The following MPG variants were observed in gnomAD, a reference collection of about 807,000 sequenced individuals.
The protein encoded by MPG is DNA-3-methyladenine glycosylase.
In MPG, 33 loss-of-function variants were observed where a neutral mutation model predicts 31.7. The observed-to-expected ratio is 1.04, with a 90% CI of 0.79 to 1.39. MPG has a LOEUF of 1.39. Ranked by LOEUF, MPG falls within the 40% of genes most tolerant of loss-of-function variation. MPG has a pLI of 0.00. For missense variants in MPG, 455 were observed against 415.5 expected, an observed-to-expected ratio of 1.10 and a Z score of -0.83; for synonymous variants, 202 against 169.2, an observed-to-expected ratio of 1.19 and a Z score of -1.51.
rs1898142634 is a variant in MPG at position 78,235 on chromosome 16, G to T, written c.-75G>T. 1 of 1,331,992 alleles carries T rather than the reference G, an allele frequency of 7.5e-7. No homozygotes were observed. The highest frequency in any genetic ancestry group is 9.7e-7 in the Non-Finnish European group (1 of 1,025,738). 82.5% of individuals were successfully genotyped at this position (1,331,992 alleles called of 1,614,324 possible). ...GCGCCGCTCCGCCCCGGTCCTAGGG[G>T]TGCTTCCGTGGTCGGCGGCTGCTGG... On this transcript the variant is annotated 5_prime_UTR_variant, in exon 1 of 4. Coordinates refer to ENST00000356432, the MANE Select transcript of MPG (RefSeq NM_001015052.3).
intron 2 of MPG, among the ~76,000 whole-genome samples, chr16:81,997 T>G (rs7195385): frequency 5.0e-4 from 24 of 47,746 alleles, no homozygotes; most frequent in Non-Finnish European, 7.5e-4. Flanking sequence ...CACCACCCTA[T>G]CTCCGGGAAG....
rs149812218 is a variant in MPG, at chr16:83,223, G to A, written c.472G>A (p.Gly158Ser). The part of the protein sequence containing the change: ...PGTLYVYIIY[G>S]MYFCMNISSQ... Reference sequence around the variant, plus strand: ...GACCCTGTACGTGTACATCATTTACGGCATGTACTTCTGCATGAACATCTC... The same window carrying A: ...GACCCTGTACGTGTACATCATTTACAGCATGTACTTCTGCATGAACATCTC... The change falls in exon 3 of 4, where the codon GGC becomes AGC. Residue 158 changes from glycine (G) to serine (S), a missense_variant. Coordinates refer to ENST00000356432, the MANE Select transcript of MPG (RefSeq NM_001015052.3). 91 of 1,612,716 alleles carry A rather than the reference G, an allele frequency of 5.6e-5. No homozygotes were observed. The highest frequency in any genetic ancestry group is 1.6e-4 in the Middle Eastern group (1 of 6,074).
At chr16:77,335 T>C (rs1336647218), upstream of MPG, among the ~76,000 whole-genome samples, 1 of 152,154 alleles carries the variant, frequency 6.6e-6, no homozygotes, top group African/African-American at 2.4e-5. Context: ...GCCAGCAGTG[T>C]GCCCAGCTCC....
chr16:84,471 T>G (rs566054600), intron 3 of MPG: 1 of 152,298 alleles, frequency 6.6e-6, no homozygotes, highest in South Asian at 2.1e-4. Context: ...CCCAGGTGGC[T>G]GGGAGGGCCA....
intron 1 of MPG, chr16:79,047 G>C: frequency 2.1e-6 from 3 of 1,430,964 alleles, no homozygotes; most frequent in Non-Finnish European, 2.7e-6. Flanking sequence ...CCAGAAACCA[G>C]CTCAGACGTT....
intron 3 of MPG, chr16:83,491 A>G: frequency 2.0e-6 from 1 of 495,822 alleles, no homozygotes; most frequent in South Asian, 2.6e-5. Context: ...CTGTCATCCC[A>G]GCACTTCGGG....
At chr16:81,132 TG>T (rs1342516361) in intron 2 of MPG, among the ~76,000 whole-genome samples, 3 of 152,132 alleles carry the variant, frequency 2.0e-5, no homozygotes, top group African/African-American at 7.2e-5. Context: ...AAAGGGTCAC[TG>T]CAGTGAGTTG....
rs746982796 is a variant in MPG at position 78,324 on chromosome 16, C to A, written c.15C>A (p.Ser5Arg). ...CGAGCCGCCGGATGCCCGCGCGCAG[C>A]GGGGCCCAGGTGAGCGCGCGCCTCG... is the stretch of plus-strand genomic sequence containing the variant. Reference protein sequence around the residue: MPARSGAQFCRRMGQ... With the variant: MPARRGAQFCRRMGQ... Residue 5 changes from serine to arginine, a missense_variant, in exon 1 of 4, where the codon AGC (serine) becomes AGA (arginine). Physicochemically the swap from Ser to Arg is moderately radical, Grantham distance 110. Transcript: ENST00000356432. 1.5e-6 allele frequency: 2 copies of A among 1,320,296 alleles called. No homozygotes were observed. The highest frequency in any genetic ancestry group is 1.9e-5 in the South Asian group (1 of 53,456). 81.8% of individuals were successfully genotyped at this position (1,320,296 alleles called of 1,614,324 possible). A position where few individuals can be genotyped will look rare whatever the true frequency, so the allele number is the denominator to read the frequency against.
At chr16:80,193 G>T (rs530481932) in intron 2 of MPG, among the ~76,000 whole-genome samples, 1 of 152,346 alleles carries the variant, frequency 6.6e-6, no homozygotes, top group African/African-American at 2.4e-5. Context: ...TCCTGGTGGG[G>T]CCTACGGTGC....
chr16:83,707 C>T (rs906233801), intron 3 of MPG, among the ~76,000 whole-genome samples: 4 of 150,316 alleles, frequency 2.7e-5, no homozygotes, highest in African/African-American at 9.8e-5. Flanking sequence ...CGCCATTGCA[C>T]TCCAGCCTGG....
At chr16:79,098 A>AG in intron 1 of MPG, 1 of 1,453,076 alleles carries the variant, frequency 6.9e-7, no homozygotes, top group East Asian at 2.5e-5. Context: ...GGAGGGCACC[A>AG]GCCCTGCTGT....
rs890508285 is a variant in MPG at position 78,278 on chromosome 16, G to C, written c.-32G>C. On this transcript the variant is annotated 5_prime_UTR_variant, in exon 1 of 4. Coordinates refer to ENST00000356432, the MANE Select transcript of MPG (RefSeq NM_001015052.3). ...GCTGCTGGGCTCCGCGCCGGGGTCCGAGTCCCACGAAGCCCCGGCCCGAGC... is the reference window on the plus strand; with the variant it reads ...GCTGCTGGGCTCCGCGCCGGGGTCCCAGTCCCACGAAGCCCCGGCCCGAGC... 28 of 1,370,742 alleles carry C rather than the reference G, an allele frequency of 2.0e-5. No homozygotes were observed. The highest frequency in any genetic ancestry group is 2.6e-5 in the Non-Finnish European group (27 of 1,057,728). The allele number at this position is 1,370,742 out of a possible 1,614,324, so 84.9% of individuals were successfully genotyped here.
chr16:83,849 G>A (rs1268323699), intron 3 of MPG, among the ~76,000 whole-genome samples: 1 of 152,180 alleles, frequency 6.6e-6, no homozygotes, highest in Non-Finnish European at 1.5e-5. Context: ...ACATGAGGAT[G>A]AGAAGCTGAT....
chr16:85,222 G>A (rs1486270605), intron 3 of MPG, among the ~76,000 whole-genome samples, 179 bp from the exon 4 acceptor site: 1 of 152,202 alleles, frequency 6.6e-6, no homozygotes, highest in Non-Finnish European at 1.5e-5. Flanking sequence ...GACACAGTGA[G>A]GTGCAGCCCC....
intron 3 of MPG, chr16:84,124 GACA>G (rs1043715908): frequency 6.6e-6 from 1 of 152,632 alleles, no homozygotes; most frequent in Admixed American, 6.5e-5. Flanking sequence ...GGCTCAGTGA[GACA>G]ACGAGGGGCG....
chr16:78,194 G>T, upstream of MPG: 1 of 991,066 alleles, frequency 1.0e-6, no homozygotes, highest in African/African-American at 1.7e-5. Context: ...CCCGGCTTCC[G>T]TCCCCTTCTG....
At chr16:78,364 C>G (rs1898148359) in intron 1 of MPG, 31 bp downstream of exon 1, 1 of 1,207,606 alleles carries the variant, frequency 8.3e-7, no homozygotes, top group Admixed American at 4.5e-5. Context: ...CCCCGCGGAA[C>G]AGACGCGCCC....
chr16:84,746 T>C (rs2858050), intron 3 of MPG, among the ~76,000 whole-genome samples: 136,258 of 152,214 alleles, frequency 0.9, 61,105 homozygotes, highest in African/African-American at 0.93. Flanking sequence ...GAGGGGGCTT[T>C]GTCAGCCTCC....
chr16:80,138 T>C (rs1898201153), intron 2 of MPG, among the ~76,000 whole-genome samples: 1 of 152,264 alleles, frequency 6.6e-6, no homozygotes, highest in Admixed American at 6.5e-5. Context: ...ATCTGGGCTC[T>C]GCCAATCAGA....
Sources: gnomAD v4.1 joint callset for allele counts (sites outside exome capture counted in the v4.1 genomes callset) on GRCh38, gnomAD v4.1.1 for gene constraint, MANE v1.5 for transcripts, NCBI Gene and HGNC (gene_info 2026-07-23, HGNC 2026-07-21) for gene names.